The following STK32A variants were observed in gnomAD, a reference collection of about 807,000 sequenced individuals.
The protein encoded by STK32A is serine/threonine-protein kinase 32A.
In STK32A, 41 loss-of-function variants were observed where a neutral mutation model predicts 53.2. The ratio of observed to expected loss-of-function variants is 0.77; its 90% confidence interval spans 0.60 to 1.00. The LOEUF is 1.00. STK32A is among the 50% of genes least tolerant of loss of function. The probability of loss-of-function intolerance (pLI) is 0.00; values close to 1 mark genes in which losing one functional copy is unlikely to be tolerated. For missense variants in STK32A, 458 were observed against 485.8 expected, an observed-to-expected ratio of 0.94 and a Z score of 0.54; for synonymous variants, 166 against 162.8, an observed-to-expected ratio of 1.02 and a Z score of -0.15.
chr5:147,336,999 C>T lies in STK32A; in HGVS notation c.435-6007C>T, dbSNP rs554408915. Among the ~76,000 whole-genome samples the T allele has an allele frequency of 1.5e-3, 227 of 152,146 alleles. 1 individual carries two copies. The highest frequency in any genetic ancestry group is 5.1e-3 in the African/African-American group (210 of 41,496). On this transcript the variant is annotated intron_variant, in intron 5 of 12. Transcript: ENST00000397936. ...GTTTGCTATTTTCATGTACATGTAC[C>T]GGTATAGGATTGCAGGGTGAGCAAC...
rs1392611042 is a variant in STK32A at position 147,386,003 on chromosome 5, G to A, written c.*2020G>A. The A allele has an allele frequency of 6.6e-6, 1 of 152,210 alleles. No individual in the cohort carries two copies. Among genetic ancestry groups the A allele is most frequent in the Non-Finnish European group, 1.5e-5 (1 of 68,036 alleles). The allele number at this position is 152,210 out of a possible 1,614,324, so 9.4% of individuals were successfully genotyped here. A position where few individuals can be genotyped will look rare whatever the true frequency, so the allele number is the denominator to read the frequency against. ...AACCAAGTATGTGTAGAAAGCCAGAGCTAAACTTCAGCTTGGCATTCACAG... is the reference window on the plus strand; with the variant it reads ...AACCAAGTATGTGTAGAAAGCCAGAACTAAACTTCAGCTTGGCATTCACAG... On this transcript the variant is annotated 3_prime_UTR_variant, in exon 13 of 13. Coordinates refer to ENST00000397936, the MANE Select transcript of STK32A (RefSeq NM_001112724.2).
intron 8 of STK32A, among the ~76,000 whole-genome samples, chr5:147,364,981 C>T (rs1411560029): frequency 5.9e-5 from 9 of 152,124 alleles, no homozygotes; most frequent in Non-Finnish European, 1.2e-4. Context: ...TTGTTTATCC[C>T]ACAGAACTAA....
chr5:147,374,167 A>G (rs1182006400), intron 10 of STK32A, among the ~76,000 whole-genome samples: 1 of 151,966 alleles, frequency 6.6e-6, no homozygotes, highest in Non-Finnish European at 1.5e-5. Flanking sequence ...ACTTGGGTGT[A>G]GTCTCAGCTA....
At chr5:147,361,273 C>T (rs1045241636) in intron 7 of STK32A, among the ~76,000 whole-genome samples, 31 of 152,056 alleles carry the variant, frequency 2.0e-4, no homozygotes, top group African/African-American at 5.8e-4. Context: ...TCTAAATAAG[C>T]GAAGAGTTTA....
At chr5:147,343,068 C>G (rs1416347365) in intron 6 of STK32A, 25 bp downstream of exon 6, 1 of 1,612,120 alleles carries the variant, frequency 6.2e-7, no homozygotes, top group Non-Finnish European at 8.5e-7. Context: ...TGTTTGCAAT[C>G]AAGTACATGA....
chr5:147,249,272 A>G (rs1753879698), intron 2 of STK32A, among the ~76,000 whole-genome samples: 1 of 152,000 alleles, frequency 6.6e-6, no homozygotes, highest in Non-Finnish European at 1.5e-5. Flanking sequence ...CCATTTTCTC[A>G]TATGTAGAAG....
chr5:147,325,844 T>G (rs1177339226), intron 5 of STK32A, among the ~76,000 whole-genome samples: 1 of 152,184 alleles, frequency 6.6e-6, no homozygotes, highest in Non-Finnish European at 1.5e-5. Flanking sequence ...CTCAAAACTT[T>G]CCTGCTCGTT....
intron 10 of STK32A, among the ~76,000 whole-genome samples, chr5:147,374,663 G>GA (rs1255769135): frequency 6.6e-6 from 1 of 152,142 alleles, no homozygotes; most frequent in Non-Finnish European, 1.5e-5. Flanking sequence ...ACTTTAGTGT[G>GA]AATCGGAATC....
intron 2 of STK32A, among the ~76,000 whole-genome samples, chr5:147,248,407 C>T (rs1306477605): frequency 1.3e-5 from 2 of 152,098 alleles, no homozygotes; most frequent in African/African-American, 2.4e-5. Context: ...GCCAATAAAT[C>T]TAGTGTGTTT....
intron 2 of STK32A, among the ~76,000 whole-genome samples, chr5:147,242,161 C>T (rs1753611777): frequency 6.6e-6 from 1 of 152,100 alleles, no homozygotes; most frequent in Non-Finnish European, 1.5e-5. Flanking sequence ...CTTCTCAGCC[C>T]AATGAGATGA....
At chr5:147,332,602 A>C (rs1754925492) in intron 5 of STK32A, among the ~76,000 whole-genome samples, 1 of 152,080 alleles carries the variant, frequency 6.6e-6, no homozygotes, top group Non-Finnish European at 1.5e-5. Context: ...TCATCTGTGG[A>C]GTGCTTAAGA....
At chr5:147,316,499 A>C (rs1753995713) in intron 4 of STK32A, among the ~76,000 whole-genome samples, 1 of 152,194 alleles carries the variant, frequency 6.6e-6, no homozygotes, top group Admixed American at 6.5e-5. Flanking sequence ...CTGGCTGAAG[A>C]ATGAACATTA....
At chr5:147,280,409 C>T (rs997118755) in intron 4 of STK32A, among the ~76,000 whole-genome samples, 10 of 1,154 alleles carry the variant, frequency 8.7e-3, no homozygotes, top group Non-Finnish European at 0.014. Flanking sequence ...GCTGTGTTGG[C>T]GGGGGAGGGG....
chr5:147,308,357 A>G (rs1753524732), intron 4 of STK32A, among the ~76,000 whole-genome samples: 1 of 152,104 alleles, frequency 6.6e-6, no homozygotes. Flanking sequence ...TTTGATGCTT[A>G]TATACTAAAA....
intron 2 of STK32A, among the ~76,000 whole-genome samples, chr5:147,276,148 A>T (rs1755251048): frequency 6.6e-6 from 1 of 152,178 alleles, no homozygotes; most frequent in Admixed American, 6.5e-5. Context: ...AATGGGTGTA[A>T]GAAAATCATT....
Position 147,335,217 on chromosome 5 carries a change from T to TA in STK32A, c.435-7786dup, listed in dbSNP as rs1374406817. Among the ~76,000 whole-genome samples, 3 of 152,132 alleles carry TA rather than the reference T, an allele frequency of 2.0e-5. No individual in the cohort carries two copies. The East Asian group carries it at 5.8e-4, about 29-fold the overall frequency. ...ATTTAACTAAATCATTACGACTCTATAAAGTAGATATGATTATTGTCCTCA... is the reference window on the plus strand; with the variant it reads ...ATTTAACTAAATCATTACGACTCTATAAAAGTAGATATGATTATTGTCCTCA... On this transcript the variant is annotated intron_variant, in intron 5 of 12. Transcript: ENST00000397936.
At chr5:147,247,859 T>C (rs1006144582) in intron 2 of STK32A, among the ~76,000 whole-genome samples, 1 of 152,152 alleles carries the variant, frequency 6.6e-6, no homozygotes, top group Non-Finnish European at 1.5e-5. Flanking sequence ...TGGTGGCTCA[T>C]GCCTGTAATC....
At chr5:147,303,366 C>CTT (rs1478236738) in intron 4 of STK32A, among the ~76,000 whole-genome samples, 1 of 152,124 alleles carries the variant, frequency 6.6e-6, no homozygotes, top group Non-Finnish European at 1.5e-5. Flanking sequence ...CTAGCCTAAC[C>CTT]TTTTTCTTCT....
chr5:147,395,775 G>C, the STK32A span: 1 of 1,593,322 alleles, frequency 6.3e-7, no homozygotes, highest in South Asian at 1.1e-5. Context: ...TTTAGGGTCT[G>C]TTCTAGGTAT....
Sources: allele counts gnomAD v4.1 joint callset (sites outside exome capture counted in the v4.1 genomes callset), GRCh38; gene constraint gnomAD v4.1.1; transcripts MANE v1.5; gene names NCBI Gene and HGNC (gene_info 2026-07-23, HGNC 2026-07-21).